Variants in TICRR observed in about 807,000 individuals in gnomAD.
The protein encoded by TICRR is TOPBP1 interacting checkpoint and replication regulator.
In TICRR, 132 loss-of-function variants were observed where a neutral mutation model predicts 178.1. The observed-to-expected ratio is 0.74, with a 90% CI of 0.64 to 0.86. The LOEUF (loss-of-function observed/expected upper bound fraction) is 0.86. Among genes scored for constraint, TICRR ranks in the 40% least tolerant of loss-of-function variants. The probability of loss-of-function intolerance (pLI) is 0.00; values close to 1 mark genes in which losing one functional copy is unlikely to be tolerated. For synonymous variants in TICRR, 991 were observed against 900.7 expected (o/e 1.10, Z -1.79); for missense variants, 2,587 against 2,334.3 (o/e 1.11, Z -2.23).
At position 89,625,684 on chromosome 15, in the gene TICRR, G is replaced by A. The variant is rs1455995329; in HGVS notation, c.5374G>A (p.Asp1792Asn). Residue 1792 changes from aspartate (D) to asparagine (N), a missense_variant, in exon 20 of 22, where the codon GAC (aspartate) becomes AAC (asparagine). Coordinates refer to ENST00000268138, the MANE Select transcript of TICRR (RefSeq NM_152259.4). The part of the protein sequence containing the change: ...EADRGAKRIC[D>N]LREDSEVSKS... The stretch of plus-strand genomic sequence containing the variant: ...TGACCGTGGAGCCAAAAGGATCTGT[G>A]ACCTGAGAGAAGATTCAGAAGTTAG... 1.2e-6 allele frequency: 2 copies of A among 1,613,712 alleles called. No homozygotes were observed. Among genetic ancestry groups the A allele is most frequent in the Non-Finnish European group, 1.7e-6 (2 of 1,180,034 alleles).
intron 15 of TICRR, among the ~76,000 whole-genome samples, chr15:89,611,721 C>T (rs569036797): frequency 6.6e-6 from 1 of 151,850 alleles, no homozygotes; most frequent in Non-Finnish European, 1.5e-5. Context: ...ACCTTATCTT[C>T]ACGTTCACTG....
At chr15:89,602,762 T>A in intron 12 of TICRR, 34 bp from the exon 13 acceptor site, 1 of 1,082,586 alleles carries the variant, frequency 9.2e-7, no homozygotes, top group Non-Finnish European at 1.2e-6. Flanking sequence ...ATAACCTCTA[T>A]CTAGTATGTA....
intron 4 of TICRR, chr15:89,591,802 G>A: frequency 2.9e-6 from 1 of 339,266 alleles, no homozygotes; most frequent in Non-Finnish European, 5.3e-6. Context: ...TCAGAAATGA[G>A]AGGATTTATA....
At chr15:89,597,404 G>A (rs1230531215) in intron 7 of TICRR, among the ~76,000 whole-genome samples, 1 of 151,872 alleles carries the variant, frequency 6.6e-6, no homozygotes, top group Non-Finnish European at 1.5e-5. Context: ...GGCGCCTGTA[G>A]TCCCAGCTAC....
intron 2 of TICRR, among the ~76,000 whole-genome samples, chr15:89,583,265 C>A (rs944797418): frequency 2.6e-5 from 4 of 152,258 alleles, no homozygotes; most frequent in African/African-American, 9.6e-5. Context: ...CATGGGTATA[C>A]GATTTCATTG....
intron 13 of TICRR, among the ~76,000 whole-genome samples, chr15:89,603,308 G>A (rs1262232389): frequency 2.0e-5 from 3 of 152,288 alleles, no homozygotes; most frequent in South Asian, 2.1e-4. Context: ...CAGGCACAGC[G>A]GCTCACACCT....
intron 1 of TICRR, among the ~76,000 whole-genome samples, chr15:89,577,201 T>G (rs967744080): frequency 1.3e-5 from 2 of 152,106 alleles, no homozygotes; most frequent in Admixed American, 6.5e-5. Context: ...CACCCAGATG[T>G]GTATTAAACG....
At position 89,616,306 on chromosome 15, in the gene TICRR, A is replaced by T; in HGVS notation, c.2870-99A>T. 7 of 877,056 alleles carry T rather than the reference A, an allele frequency of 8.0e-6. No homozygotes were observed. In the South Asian group the frequency reaches 1.0e-4, roughly 13 times the overall value. The allele number at this position is 877,056 out of a possible 1,614,324, so 54.3% of individuals were successfully genotyped here. A position where few individuals can be genotyped will look rare whatever the true frequency, so the allele number is the denominator to read the frequency against. On this transcript the variant is annotated intron_variant, in intron 15 of 21. Coordinates refer to ENST00000268138, the MANE Select transcript of TICRR (RefSeq NM_152259.4). ...CCATTAAGATCCTCTCCAGCTAGGT[A>T]ATAAGCCATACAGAAGTTCAAACTG... is the stretch of plus-strand genomic sequence containing the variant.
intron 17 of TICRR, among the ~76,000 whole-genome samples, chr15:89,619,360 G>A (rs1232384511): frequency 6.6e-6 from 1 of 151,696 alleles, no homozygotes; most frequent in Admixed American, 6.6e-5. Context: ...CAAGTAGCTG[G>A]GGTTATAGGC....
intron 18 of TICRR, among the ~76,000 whole-genome samples, chr15:89,620,296 C>T (rs922107043): frequency 6.6e-6 from 1 of 152,134 alleles, no homozygotes; most frequent in African/African-American, 2.4e-5. Context: ...GTAGCCTCAA[C>T]CTCCCAGGCT....
At chr15:89,584,653 A>G in intron 3 of TICRR, 126 bp downstream of exon 3, 1 of 957,642 alleles carries the variant, frequency 1.0e-6, no homozygotes, top group Non-Finnish European at 1.4e-6. Context: ...TGCAAATAAT[A>G]TTGTTGACAT....
At position 89,609,100 on chromosome 15, in the gene TICRR, CTTTTTTTTT is replaced by C. The variant is rs59398617; in HGVS notation, c.2869+171_2869+179del. On this transcript the variant is annotated intron_variant, in intron 15 of 21. Coordinates refer to ENST00000268138, the MANE Select transcript of TICRR (RefSeq NM_152259.4). ...CTAAAGGTTTGTCAATTTTGTTAATCTTTTTTTTTTTTTTTTTTTTTTTTTTTTGAGACA... is the reference window on the plus strand; with the variant it reads ...CTAAAGGTTTGTCAATTTTGTTAATCTTTTTTTTTTTTTTTTTTTGAGACA... The C allele has an allele frequency of 2.9e-3, 250 of 84,792 alleles. 1 individual carries two copies. The highest frequency in any genetic ancestry group is 8.3e-3 in the South Asian group (43 of 5,154). The allele number at this position is 84,792 out of a possible 1,614,324, so 5.3% of individuals were successfully genotyped here.
Position 89,623,694 on chromosome 15 carries a change from A to G in TICRR, c.3384A>G (p.Pro1128=), listed in dbSNP as rs1215510826. 6.2e-7 allele frequency: 1 copy of G among 1,614,096 alleles called. No individual in the cohort carries two copies. The highest frequency in any genetic ancestry group is 1.1e-5 in the South Asian group (1 of 91,074). ...CACCAAGAAGGATCTCTCATACACC[A>G]CAAACTCCGTTGTATACTCCAGAAA... is the stretch of plus-strand genomic sequence containing the variant. ...KTTPRRISHT[P]QTPLYTPERL... is the part of the protein sequence containing the mutation. The change falls in exon 20 of 22, where the codon CCA becomes CCG. Residue 1128 remains proline (P), a synonymous_variant. Transcript: ENST00000268138.
intron 19 of TICRR, among the ~76,000 whole-genome samples, chr15:89,622,343 T>C (rs1167784425): frequency 6.6e-6 from 1 of 152,104 alleles, no homozygotes; most frequent in Non-Finnish European, 1.5e-5. Flanking sequence ...CCTACCCTAG[T>C]TCAGGTCTAC....
chr15:89,591,914 C>G, intron 4 of TICRR, 133 bp from the exon 5 acceptor site: 1 of 690,514 alleles, frequency 1.4e-6, no homozygotes, highest in Admixed American at 3.1e-5. Context: ...TGCCGGAGAA[C>G]AAATGTTAAC....
At chr15:89,598,138 G>A (rs1414413745) in intron 7 of TICRR, among the ~76,000 whole-genome samples, 2 of 97,302 alleles carry the variant, frequency 2.1e-5, no homozygotes, top group African/African-American at 8.6e-5. Context: ...TTGTTTGTTT[G>A]TTTGTTTGTT....
chr15:89,586,474 C>T (rs1295330176), intron 4 of TICRR, among the ~76,000 whole-genome samples: 1 of 152,056 alleles, frequency 6.6e-6, no homozygotes, highest in Non-Finnish European at 1.5e-5. Context: ...TATTAGAGAA[C>T]AAAATGGACA....
intron 15 of TICRR, among the ~76,000 whole-genome samples, chr15:89,614,653 GA>G (rs1384184155): frequency 6.6e-6 from 1 of 152,172 alleles, no homozygotes; most frequent in African/African-American, 2.4e-5. Flanking sequence ...ACAATATAAT[GA>G]GGCAGCTGTA....
At chr15:89,597,979 T>G (rs895395042) in intron 7 of TICRR, among the ~76,000 whole-genome samples, 3 of 152,196 alleles carry the variant, frequency 2.0e-5, no homozygotes, top group African/African-American at 7.2e-5. Context: ...TATTTCATAT[T>G]TAGGGGGGGT....
Sources: allele counts gnomAD v4.1 joint callset (sites outside exome capture counted in the v4.1 genomes callset), GRCh38; gene constraint gnomAD v4.1.1; transcripts MANE v1.5; gene names NCBI Gene and HGNC (gene_info 2026-07-23, HGNC 2026-07-21).